PTPRD: variants seen among roughly 807,000 people sequenced by gnomAD.
PTPRD encodes protein tyrosine phosphatase receptor type D.
Under a neutral mutation model 214.5 loss-of-function variants are expected in PTPRD, and 34 were observed. That is an observed-to-expected ratio of 0.16 (90% CI 0.12 to 0.21). The LOEUF (loss-of-function observed/expected upper bound fraction) is 0.21, where lower values mean the gene tolerates loss of function less well. PTPRD is among the 10% of genes least tolerant of loss of function. The pLI is 1.00. For synonymous variants in PTPRD, 1,128 were observed against 845.7 expected (o/e 1.33, Z -5.79); for missense variants, 2,545 against 2,398.7 (o/e 1.06, Z -1.27).
At chr9:9,540,225 G>A (rs1196669866) in intron 8 of PTPRD, among the ~76,000 whole-genome samples, 1 of 151,344 alleles carries the variant, frequency 6.6e-6, no homozygotes, top group Admixed American at 6.6e-5. Context: ...AGGATCAGAT[G>A]AGATATGTTA....
At chr9:9,256,385 G>C (rs2099977704) in intron 9 of PTPRD, among the ~76,000 whole-genome samples, 1 of 151,580 alleles carries the variant, frequency 6.6e-6, no homozygotes, top group Non-Finnish European at 1.5e-5. Flanking sequence ...GATAATATCT[G>C]CATTTTGGTC....
At chr9:10,175,939 C>A (rs1446014954) in intron 3 of PTPRD, among the ~76,000 whole-genome samples, 1 of 151,916 alleles carries the variant, frequency 6.6e-6, no homozygotes, top group Non-Finnish European at 1.5e-5. Flanking sequence ...TTTCCAACAT[C>A]TTTTTGTACT....
At chr9:9,967,366 T>G (rs2094778500) in intron 4 of PTPRD, among the ~76,000 whole-genome samples, 1 of 152,176 alleles carries the variant, frequency 6.6e-6, no homozygotes, top group African/African-American at 2.4e-5. Flanking sequence ...AAGTTGTCAT[T>G]AACAGAGGAA....
intron 8 of PTPRD, among the ~76,000 whole-genome samples, chr9:9,502,779 T>C (rs892981975): frequency 2.0e-5 from 3 of 151,898 alleles, no homozygotes; most frequent in Non-Finnish European, 4.4e-5. Context: ...TAACAACATG[T>C]ATACATCCTA....
chr9:9,906,119 C>T (rs570785637), intron 5 of PTPRD, among the ~76,000 whole-genome samples: 40 of 151,778 alleles, frequency 2.6e-4, no homozygotes, highest in Admixed American at 2.6e-4. Context: ...TGCAGGCATA[C>T]AAGTTATTCA....
At chr9:9,998,551 C>G (rs1300734474) in intron 4 of PTPRD, among the ~76,000 whole-genome samples, 1 of 84,770 alleles carries the variant, frequency 1.2e-5, no homozygotes, top group Non-Finnish European at 2.5e-5. Context: ...CATGATAGCT[C>G]TACTAGTCAA....
intron 11 of PTPRD, among the ~76,000 whole-genome samples, chr9:8,893,849 GA>G (rs2154243503): frequency 6.6e-6 from 1 of 152,168 alleles, no homozygotes; most frequent in South Asian, 2.1e-4. Flanking sequence ...GCTCGCTGTA[GA>G]ATGGTATGAA....
chr9:10,201,378 A>C (rs951310884), intron 3 of PTPRD, among the ~76,000 whole-genome samples: 1 of 152,104 alleles, frequency 6.6e-6, no homozygotes, highest in African/African-American at 2.4e-5. Context: ...TCCAAATGTA[A>C]ATTGGCATAC....
At chr9:8,776,905 GTATAA>G (rs1158160882) in intron 11 of PTPRD, among the ~76,000 whole-genome samples, 2 of 19,900 alleles carry the variant, frequency 1.0e-4, no homozygotes, top group African/African-American at 6.7e-4. Context: ...TAATACATAT[GTATAA>G]TATATGTATA....
chr9:10,182,667 A>G (rs12349043), intron 3 of PTPRD, among the ~76,000 whole-genome samples: 6,533 of 152,256 alleles, frequency 0.043, 148 homozygotes, highest in Middle Eastern at 0.065. Flanking sequence ...ACAGTAAAAC[A>G]CTTGATTTCA....
chr9:9,352,270 G>A (rs1017556391), intron 9 of PTPRD, among the ~76,000 whole-genome samples: 3 of 150,052 alleles, frequency 2.0e-5, no homozygotes, highest in Admixed American at 1.3e-4. Flanking sequence ...TGGAAATTTA[G>A]GTTGATAGCT....
chr9:9,366,082 T>A (rs922044290), intron 9 of PTPRD, among the ~76,000 whole-genome samples: 1 of 151,474 alleles, frequency 6.6e-6, no homozygotes, highest in African/African-American at 2.4e-5. Context: ...ATAAGTCTAT[T>A]GCATGAGAAT....
intron 2 of PTPRD, among the ~76,000 whole-genome samples, chr9:10,495,007 G>A (rs947195247): frequency 4.0e-5 from 6 of 151,512 alleles, no homozygotes; most frequent in South Asian, 2.1e-4. Flanking sequence ...ATTTTATGTC[G>A]TGCTCAAGGT....
intron 3 of PTPRD, among the ~76,000 whole-genome samples, chr9:10,175,601 T>C (rs1374975948): frequency 2.0e-5 from 3 of 152,048 alleles, no homozygotes; most frequent in Non-Finnish European, 4.4e-5. Context: ...AACATACAGA[T>C]CATAGGTTCA....
intron 5 of PTPRD, among the ~76,000 whole-genome samples, chr9:9,796,786 G>C (rs942639916): frequency 2.6e-5 from 4 of 152,154 alleles, no homozygotes; most frequent in Non-Finnish European, 5.9e-5. Flanking sequence ...AGAAAAGGAT[G>C]CTAGTGTTTT....
intron 2 of PTPRD, among the ~76,000 whole-genome samples, chr9:10,534,870 G>A (rs1227413754): frequency 6.6e-6 from 1 of 152,144 alleles, no homozygotes; most frequent in African/African-American, 2.4e-5. Flanking sequence ...CTGTGCAGAT[G>A]GCACAAAACT....
chr9:9,005,168 G>A (rs756987450), intron 11 of PTPRD, among the ~76,000 whole-genome samples: 15 of 152,032 alleles, frequency 9.9e-5, no homozygotes, highest in East Asian at 1.9e-4. Context: ...GCTTAGAGGA[G>A]CTTAATAATA....
At chr9:8,481,519 A>G (rs936404194) in intron 30 of PTPRD, among the ~76,000 whole-genome samples, 1 of 151,814 alleles carries the variant, frequency 6.6e-6, no homozygotes, top group African/African-American at 2.4e-5. Flanking sequence ...AGTTTTCTGG[A>G]GTTTGGGGAG....
chr9:8,373,499 T>A (rs537954940), intron 39 of PTPRD, among the ~76,000 whole-genome samples: 4 of 152,044 alleles, frequency 2.6e-5, no homozygotes, highest in African/African-American at 9.6e-5. Context: ...GCACAGCACT[T>A]CCAAATGTCA....
Sources: gnomAD v4.1 joint callset for allele counts (sites outside exome capture counted in the v4.1 genomes callset) on GRCh38, gnomAD v4.1.1 for gene constraint, MANE v1.5 for transcripts, NCBI Gene and HGNC (gene_info 2026-07-23, HGNC 2026-07-21) for gene names.